CYREN: variants seen among roughly 807,000 people sequenced by gnomAD.
The protein encoded by CYREN is cell cycle regulator of NHEJ.
CYREN carries 7 observed loss-of-function variants against 9.7 expected under a neutral mutation model. That is an observed-to-expected ratio of 0.72 (90% CI 0.41 to 1.36). The LOEUF (loss-of-function observed/expected upper bound fraction) is 1.36, where lower values mean the gene tolerates loss of function less well. CYREN is among the 40% of genes most tolerant of loss of function. The pLI is 0.01. For missense variants in CYREN, 215 were observed against 198.1 expected (o/e 1.09, Z -0.51); for synonymous variants, 76 against 77.9 (o/e 0.98, Z 0.13).
At chr7:135,145,054 C>T (rs756497712) in intron 2 of CYREN, among the ~76,000 whole-genome samples, 5 of 148,966 alleles carry the variant, frequency 3.4e-5, no homozygotes, top group Non-Finnish European at 7.4e-5. Context: ...CTCAAAACCA[C>T]CAAAATAATT....
In CYREN at chr7:135,115,637, TTATC is replaced by T. The variant is rs371770007; in HGVS notation, n.357-21059_357-21056del. ...GTAAGTCAATACAATTTTATCACTC[TTATC>T]TATTTAACACATCTTTTTTAAAAAA... is the stretch of plus-strand genomic sequence containing the variant. On this transcript the variant is annotated intron_variant and non_coding_transcript_variant, in intron 2 of 2. Transcript: ENST00000459937. 2.6e-4 allele frequency: 389 copies of T among 1,476,234 alleles called. 2 individuals are homozygous for T. In the East Asian group the frequency reaches 7.9e-3, roughly 30 times the overall value. The allele number at this position is 1,476,234 out of a possible 1,614,324, so 91.4% of individuals were successfully genotyped here. A position where few individuals can be genotyped will look rare whatever the true frequency, so the allele number is the denominator to read the frequency against.
intron 3 of CYREN, chr7:135,167,119 G>A: frequency 1.0e-6 from 1 of 985,408 alleles, no homozygotes; most frequent in Non-Finnish European, 1.2e-6. Flanking sequence ...AGGATTAGCT[G>A]AGGGGAAAGG....
At chr7:135,103,330 CTCTA>C (rs1824141086) in intron 2 of CYREN, among the ~76,000 whole-genome samples, 1 of 152,106 alleles carries the variant, frequency 6.6e-6, no homozygotes, top group African/African-American at 2.4e-5. Flanking sequence ...ATACTAGTCT[CTCTA>C]TATTCGGGAA....
chr7:135,108,494 G>A (rs1341693044), intron 2 of CYREN, among the ~76,000 whole-genome samples: 1 of 152,048 alleles, frequency 6.6e-6, no homozygotes. Flanking sequence ...TGGAATTCTG[G>A]GTTCAAAATT....
chr7:135,100,885 C>A (rs1276041091), intron 2 of CYREN, among the ~76,000 whole-genome samples: 1 of 152,136 alleles, frequency 6.6e-6, no homozygotes, highest in Non-Finnish European at 1.5e-5. Context: ...TCTCTGATTC[C>A]CCTTATGTAA....
upstream of CYREN, among the ~76,000 whole-genome samples, chr7:135,172,359 G>A (rs1274584614): frequency 6.6e-6 from 1 of 151,478 alleles, no homozygotes; most frequent in African/African-American, 2.4e-5. Context: ...TTTGGTACTC[G>A]GATTTTGAAT....
In CYREN at chr7:135,118,382, T is replaced by C. The variant is rs143883725; in HGVS notation, n.357-23800A>G. Among the ~76,000 whole-genome samples, 1,304 of 152,280 alleles carry C rather than the reference T, an allele frequency of 8.6e-3. 9 individuals carry two copies. Among genetic ancestry groups the C allele is most frequent in the Admixed American group, 0.015 (228 of 15,288 alleles). ...CACCTAGACCCCACCCCAATCTCAATGGAGGCTACATATGGAGATGAACCT... is the reference window on the plus strand; with the variant it reads ...CACCTAGACCCCACCCCAATCTCAACGGAGGCTACATATGGAGATGAACCT... On this transcript the variant is annotated intron_variant and non_coding_transcript_variant, in intron 2 of 2. Coordinates refer to the CYREN transcript ENST00000459937.
At chr7:135,168,668 G>T in intron 2 of CYREN, 118 bp downstream of exon 2, 1 of 1,441,584 alleles carries the variant, frequency 6.9e-7, no homozygotes, top group Non-Finnish European at 9.3e-7. Context: ...GAGATGATCA[G>T]ACTGAAACAC....
At chr7:135,114,694 C>T (rs535652193) in intron 2 of CYREN, among the ~76,000 whole-genome samples, 161 of 152,238 alleles carry the variant, frequency 1.1e-3, no homozygotes, top group African/African-American at 3.6e-3. Flanking sequence ...TCCAAGCTAC[C>T]GCCATCTCTC....
At chr7:135,167,217 G>C in intron 3 of CYREN, 1 of 1,119,766 alleles carries the variant, frequency 8.9e-7, no homozygotes, top group Non-Finnish European at 1.1e-6. Context: ...CTTAGCACTA[G>C]GAAAAGTCCC....
chr7:135,122,665 A>C (rs1204064462), intron 2 of CYREN, among the ~76,000 whole-genome samples: 1 of 152,174 alleles, frequency 6.6e-6, no homozygotes, highest in Non-Finnish European at 1.5e-5. Flanking sequence ...GAGGTCAGAG[A>C]TCCCAGAAGA....
intron 2 of CYREN, among the ~76,000 whole-genome samples, chr7:135,160,382 G>A (rs952373721): frequency 1.1e-4 from 17 of 152,208 alleles, no homozygotes; most frequent in African/African-American, 3.6e-4. Flanking sequence ...TCATTGTGGT[G>A]GAAGTGTCAT....
At chr7:135,157,522 G>T (rs556358591) in intron 2 of CYREN, among the ~76,000 whole-genome samples, 1 of 152,248 alleles carries the variant, frequency 6.6e-6, no homozygotes, top group Non-Finnish European at 1.5e-5. Flanking sequence ...TGGTTAGTGG[G>T]TCTTGGAGGG....
Position 135,166,629 on chromosome 7 carries a change from C to T in CYREN, c.456G>A (p.Arg152=), listed in dbSNP as rs1299786035. Residue 152 remains arginine, a synonymous_variant, in exon 4 of 4, where the codon CGG becomes CGA. Coordinates refer to ENST00000393114, the MANE Select transcript of CYREN (RefSeq NM_024033.4). ...EEEEDVLKYV[R]EIFFS is the part of the protein sequence containing the mutation. ...TTATGCCCTAGCTGAAAAAGATCTC[C>T]CGGACGTATTTCAGCACATCCTCTT... 6.3e-7 allele frequency: 1 copy of T among 1,599,206 alleles called. No homozygotes were observed. The highest frequency in any genetic ancestry group is 1.3e-5 in the African/African-American group (1 of 74,996).
downstream of CYREN, among the ~76,000 whole-genome samples, chr7:135,161,882 C>T (rs1319818712): frequency 6.6e-6 from 1 of 152,168 alleles, no homozygotes; most frequent in Non-Finnish European, 1.5e-5. This position sits in a 1 kb window ranked among gnomAD's most constrained non-coding sequence, Gnocchi z 4.1. Context: ...GCAGAAGCCA[C>T]GGGCAGAACT....
At chr7:135,171,315 T>TG (rs1202077577), upstream of CYREN, among the ~76,000 whole-genome samples, 6 of 16,460 alleles carry the variant, frequency 3.6e-4, no homozygotes, top group South Asian at 5.7e-3. Flanking sequence ...ACCTGTTTTT[T>TG]TTTTTTTTTT....
At chr7:135,126,208 A>G (rs1827843201) in intron 2 of CYREN, among the ~76,000 whole-genome samples, 1 of 152,256 alleles carries the variant, frequency 6.6e-6, no homozygotes, top group African/African-American at 2.4e-5. Context: ...CAGAATACAG[A>G]ATCAATGTGC....
At chr7:135,122,623 G>A (rs1479673343) in intron 2 of CYREN, among the ~76,000 whole-genome samples, 1 of 152,154 alleles carries the variant, frequency 6.6e-6, no homozygotes. Flanking sequence ...CTATACGTGA[G>A]CAATACTGCT....
downstream of CYREN, chr7:135,164,706 G>C: frequency 6.2e-7 from 1 of 1,614,200 alleles, no homozygotes; most frequent in Non-Finnish European, 8.5e-7. Context: ...TGGCGTGTAC[G>C]GGTCCCTGGT....
Sources: gnomAD v4.1 joint callset for allele counts (sites outside exome capture counted in the v4.1 genomes callset) on GRCh38, gnomAD v4.1.1 for gene constraint, Gnocchi (gnomAD v3.1) non-coding constraint, MANE v1.5 for transcripts, NCBI Gene and HGNC (gene_info 2026-07-23, HGNC 2026-07-21) for gene names.